Variants in IPO8 observed in about 807,000 individuals in gnomAD.
IPO8 encodes importin-8.
Under a neutral mutation model 141.2 loss-of-function variants are expected in IPO8, and 65 were observed. The ratio of observed to expected loss-of-function variants is 0.46; its 90% CI spans 0.38 to 0.57. The LOEUF (loss-of-function observed/expected upper bound fraction) is 0.57, where lower values mean the gene tolerates loss of function less well. IPO8 is among the 20% of genes least tolerant of loss of function. IPO8 has a pLI of 0.00. For synonymous variants in IPO8, 411 were observed against 420.3 expected, an observed-to-expected ratio of 0.98 and a Z score of 0.27; for missense variants, 980 against 1,246.8, an observed-to-expected ratio of 0.79 and a Z score of 3.22.
chr12:30,667,938 C>T lies in IPO8; in HGVS notation c.1144+1245G>A, dbSNP rs560609985. Among the ~76,000 whole-genome samples the T allele has an allele frequency of 3.3e-5, 5 of 152,134 alleles. No individual in the cohort carries two copies. The East Asian group carries it at 9.7e-4, about 30-fold the overall frequency. Reference sequence around the variant, plus strand: ...GATCACTTAAGCCAGGAGTTCGAAACCAGCCTGGGAAATACAGGGAGACCC... The same window carrying T: ...GATCACTTAAGCCAGGAGTTCGAAATCAGCCTGGGAAATACAGGGAGACCC... On this transcript the variant is annotated intron_variant, in intron 10 of 24. Transcript: ENST00000256079.
At chr12:30,686,876 C>G (rs971130618) in intron 2 of IPO8, among the ~76,000 whole-genome samples, 60 of 151,552 alleles carry the variant, frequency 4.0e-4, no homozygotes, top group Non-Finnish European at 6.5e-4. Flanking sequence ...AACGAGACAG[C>G]CTTTAAAAAA....
intron 2 of IPO8, chr12:30,686,708 C>A (rs1210648449): frequency 6.6e-6 from 1 of 151,990 alleles, no homozygotes; most frequent in Non-Finnish European, 1.5e-5. Flanking sequence ...TCATTTTGAT[C>A]CCTATAGAAC....
chr12:30,694,850 T>C (rs150028779), intron 1 of IPO8: 2 of 367,026 alleles, frequency 5.4e-6, no homozygotes, highest in Middle Eastern at 3.8e-4. Context: ...TTGGGATCAT[T>C]AAAATTTTGA....
At chr12:30,672,188 A>G (rs1196171825) in intron 8 of IPO8, among the ~76,000 whole-genome samples, 1 of 152,206 alleles carries the variant, frequency 6.6e-6, no homozygotes, top group Non-Finnish European at 1.5e-5. Flanking sequence ...GCTCTTCACC[A>G]TATCAAGCTT....
intron 22 of IPO8, among the ~76,000 whole-genome samples, chr12:30,635,360 A>G (rs2052487411): frequency 6.6e-6 from 1 of 152,132 alleles, no homozygotes; most frequent in Non-Finnish European, 1.5e-5. Context: ...GGTGATGGAT[A>G]TATTAGTTTG....
chr12:30,636,049 C>A (rs1002112553), intron 22 of IPO8, among the ~76,000 whole-genome samples: 4 of 152,006 alleles, frequency 2.6e-5, no homozygotes, highest in Non-Finnish European at 4.4e-5. Flanking sequence ...ACACATGCAA[C>A]ACTTCTAATA....
At chr12:30,664,179 G>A (rs905548958) in intron 13 of IPO8, among the ~76,000 whole-genome samples, 2 of 152,062 alleles carry the variant, frequency 1.3e-5, no homozygotes, top group African/African-American at 4.8e-5. Flanking sequence ...ACAATCAACA[G>A]AAATTAATTC....
At chr12:30,643,940 A>G (rs1333301662) in intron 20 of IPO8, among the ~76,000 whole-genome samples, 1 of 152,214 alleles carries the variant, frequency 6.6e-6, no homozygotes, top group African/African-American at 2.4e-5. Flanking sequence ...CAGTCAACAG[A>G]ACTAAATACT....
At chr12:30,669,308 T>G (rs1323749408) in intron 9 of IPO8, 26 bp from the exon 10 acceptor site, 1 of 989,348 alleles carries the variant, frequency 1.0e-6, no homozygotes, top group Non-Finnish European at 1.5e-6. Context: ...AAAAAAAACG[T>G]AACAAATGGG....
intron 6 of IPO8, among the ~76,000 whole-genome samples, chr12:30,675,843 CAAA>C (rs753913602): frequency 2.4e-4 from 17 of 71,138 alleles, no homozygotes; most frequent in African/African-American, 8.5e-4. Context: ...GACTCTGTCT[CAAA>C]AAAAAAAAAA....
At chr12:30,692,898 C>T (rs1322790243) in intron 1 of IPO8, among the ~76,000 whole-genome samples, 2 of 152,198 alleles carry the variant, frequency 1.3e-5, no homozygotes, top group African/African-American at 4.8e-5. Context: ...CTCCACAGCA[C>T]TTATGACCTG....
intron 11 of IPO8, 105 bp from the exon 12 acceptor site, chr12:30,665,950 T>C (rs1182617057): frequency 1.2e-5 from 9 of 771,298 alleles, no homozygotes; most frequent in Non-Finnish European, 1.7e-5. Flanking sequence ...TTTTATTATG[T>C]TTTATCAAGC....
chr12:30,656,649 T>C, intron 17 of IPO8, 35 bp downstream of exon 17: 1 of 1,335,718 alleles, frequency 7.5e-7, no homozygotes, highest in Non-Finnish European at 1.0e-6. Context: ...TTAAAATTTT[T>C]TCAATTTATC....
chr12:30,642,587 G>C (rs1591823824), intron 20 of IPO8, among the ~76,000 whole-genome samples: 2 of 151,210 alleles, frequency 1.3e-5, no homozygotes, highest in South Asian at 2.1e-4. Context: ...ACATTAATAT[G>C]CATTAGTATA....
At chr12:30,663,407 CA>C in intron 14 of IPO8, 81 bp downstream of exon 14, 1 of 1,212,544 alleles carries the variant, frequency 8.2e-7, no homozygotes, top group South Asian at 1.6e-5. Flanking sequence ...CCTGAACCCT[CA>C]GACATGGAGA....
At chr12:30,671,674 C>CAAAAA (rs71052423) in intron 8 of IPO8, among the ~76,000 whole-genome samples, 9 of 56,470 alleles carry the variant, frequency 1.6e-4, no homozygotes, top group African/African-American at 6.6e-4. Flanking sequence ...GACTCTGCCT[C>CAAAAA]AAAAAAAAAA....
At chr12:30,689,085 T>C (rs535074504) in intron 2 of IPO8, among the ~76,000 whole-genome samples, 3 of 152,098 alleles carry the variant, frequency 2.0e-5, no homozygotes, top group African/African-American at 7.2e-5. Flanking sequence ...CAAGGGTACA[T>C]GGTTAAATGA....
intron 5 of IPO8, among the ~76,000 whole-genome samples, chr12:30,677,504 G>A (rs1437489258): frequency 6.7e-6 from 1 of 150,130 alleles, no homozygotes; most frequent in Non-Finnish European, 1.5e-5. Context: ...TTTTTTTTAA[G>A]TTATCTAAAA....
intron 1 of IPO8, among the ~76,000 whole-genome samples, chr12:30,691,316 A>G (rs975571053): frequency 2.0e-5 from 3 of 152,184 alleles, no homozygotes; most frequent in Non-Finnish European, 4.4e-5. Context: ...GGTTGAGCAC[A>G]CTGTCATCAC....
Sources: gnomAD v4.1 joint callset for allele counts (sites outside exome capture counted in the v4.1 genomes callset) on GRCh38, gnomAD v4.1.1 for gene constraint, MANE v1.5 for transcripts, NCBI Gene and HGNC (gene_info 2026-07-23, HGNC 2026-07-21) for gene names.